Variants in HIP1 observed in about 807,000 individuals in gnomAD.
HIP1 encodes the protein huntingtin interacting protein 1.
A neutral mutation model predicts 147.6 loss-of-function variants in HIP1; 65 were observed. That is an observed-to-expected ratio of 0.44 (90% CI 0.36 to 0.54). The LOEUF (loss-of-function observed/expected upper bound fraction) is 0.54. HIP1 is among the 20% of genes least tolerant of loss of function. HIP1 has a pLI of 0.00. For missense variants in HIP1, 1,061 were observed against 1,299.6 expected (o/e 0.82, Z 2.82); for synonymous variants, 479 against 504.0 (o/e 0.95, Z 0.67).
chr7:75,677,602 CTA>C (rs1554516248), intron 1 of HIP1, among the ~76,000 whole-genome samples: 2 of 59,226 alleles, frequency 3.4e-5, no homozygotes, highest in Non-Finnish European at 6.1e-5. Flanking sequence ...AAGACTCCAT[CTA>C]AAAAAAAAAA....
At chr7:75,671,891 T>G (rs2705825) in intron 1 of HIP1, among the ~76,000 whole-genome samples, 1 of 151,982 alleles carries the variant, frequency 6.6e-6, no homozygotes, top group Non-Finnish European at 1.5e-5. Flanking sequence ...CGCGTCACCA[T>G]GCCTGGCTAA....
At chr7:75,571,544 C>A (rs1286142839) in intron 8 of HIP1, among the ~76,000 whole-genome samples, 1 of 152,166 alleles carries the variant, frequency 6.6e-6, no homozygotes, top group Non-Finnish European at 1.5e-5. Flanking sequence ...TTGTCAATAA[C>A]CGCAGTTACA....
intron 4 of HIP1, among the ~76,000 whole-genome samples, chr7:75,589,005 C>T (rs1298904472): frequency 2.0e-5 from 3 of 151,892 alleles, no homozygotes; most frequent in Non-Finnish European, 4.4e-5. Flanking sequence ...ACAAAATTAG[C>T]TGGGCGTGGT....
chr7:75,582,290 G>A (rs1935620720), intron 5 of HIP1, 139 bp from the exon 6 acceptor site: 4 of 656,724 alleles, frequency 6.1e-6, no homozygotes, highest in Non-Finnish European at 1.1e-5. Flanking sequence ...GGGAGTTCAA[G>A]TTTACAGTTC....
intron 1 of HIP1, among the ~76,000 whole-genome samples, chr7:75,724,987 G>A (rs370818216): frequency 6.6e-6 from 1 of 152,182 alleles, no homozygotes; most frequent in South Asian, 2.1e-4. Context: ...CAGGTTCTTA[G>A]ACACTGTCTC....
intron 7 of HIP1, among the ~76,000 whole-genome samples, chr7:75,580,375 C>T (rs1795992716): frequency 6.6e-6 from 1 of 152,016 alleles, no homozygotes; most frequent in Non-Finnish European, 1.5e-5. Flanking sequence ...GCCTGCGCTT[C>T]AGGAGAGAGG....
rs113911316 is a variant in HIP1 at position 75,586,741 on chromosome 7, G to C, written c.465+12C>G. The C allele has an allele frequency of 1.9e-6, 3 of 1,585,172 alleles. No individual in the cohort carries two copies. Among genetic ancestry groups the C allele is most frequent in the African/African-American group, 2.7e-5 (2 of 74,246 alleles). Reference sequence around the variant, plus strand: ...GGCGGCGGTGGCGGCAGAACTGTCCGCAGAGACTCACTTTGGTGTGGTACT... The same window carrying C: ...GGCGGCGGTGGCGGCAGAACTGTCCCCAGAGACTCACTTTGGTGTGGTACT... On this transcript the variant is annotated intron_variant, in intron 5 of 30. Coordinates refer to ENST00000336926, the MANE Select transcript of HIP1 (RefSeq NM_005338.7).
intron 1 of HIP1, among the ~76,000 whole-genome samples, chr7:75,653,532 T>A (rs1448113943): frequency 1.3e-5 from 2 of 151,988 alleles, no homozygotes; most frequent in African/African-American, 4.8e-5. Flanking sequence ...TGCATGCCTG[T>A]AGTACCAGCT....
In HIP1 at chr7:75,568,375, G is replaced by T; in HGVS notation, c.746-119C>A. 1.3e-6 allele frequency: 1 copy of T among 752,896 alleles called. No homozygotes were observed. The allele number at this position is 752,896 out of a possible 1,614,324, so 46.6% of individuals were successfully genotyped here. On this transcript the variant is annotated intron_variant, in intron 8 of 30. Transcript: ENST00000336926. The surrounding 1 kb of genome is among the most constrained non-coding windows in gnomAD (Gnocchi z 4.1). ...TGGGGCATGTGGCCAGCACTGCCAG[G>T]GGCCACGACTGGCCTAGAGCTGTCC... is the stretch of plus-strand genomic sequence containing the variant.
Position 75,536,250 on chromosome 7 carries a change from A to C in HIP1, c.*1922T>G, listed in dbSNP as rs1794080897. 1 of 206,012 alleles carries C rather than the reference A, an allele frequency of 4.9e-6. No homozygotes were observed. The highest frequency in any genetic ancestry group is 6.0e-5 in the Admixed American group (1 of 16,556). 12.8% of individuals were successfully genotyped at this position (206,012 alleles called of 1,614,324 possible). On this transcript the variant is annotated 3_prime_UTR_variant, in exon 31 of 31. Coordinates refer to ENST00000336926, the MANE Select transcript of HIP1 (RefSeq NM_005338.7). ...TCTAGTGCTGATACTTCCTTAGCCC[A>C]GTATGGAGGTCACACGTCTGAGTAT... is the stretch of plus-strand genomic sequence containing the variant.
chr7:75,726,584 G>A (rs1205695607), intron 1 of HIP1, among the ~76,000 whole-genome samples: 1 of 151,408 alleles, frequency 6.6e-6, no homozygotes, highest in Non-Finnish European at 1.5e-5. Flanking sequence ...ATGCCTGGCC[G>A]GGCATTTTTA....
chr7:75,687,660 C>T (rs1464259734), intron 1 of HIP1, among the ~76,000 whole-genome samples: 1 of 152,206 alleles, frequency 6.6e-6, no homozygotes, highest in Non-Finnish European at 1.5e-5. Context: ...CATTGCACTC[C>T]AGCCTGGGAG....
intron 1 of HIP1, among the ~76,000 whole-genome samples, chr7:75,699,227 TC>T (rs1800738856): frequency 6.6e-6 from 1 of 152,058 alleles, no homozygotes; most frequent in Non-Finnish European, 1.5e-5. Flanking sequence ...CTATAGGCGC[TC>T]GGCTTTCAAA....
chr7:75,554,696 A>G (rs1794923886), intron 19 of HIP1, among the ~76,000 whole-genome samples, 170 bp from the exon 20 acceptor site: 1 of 152,116 alleles, frequency 6.6e-6, no homozygotes. Context: ...TCCTTAGAGA[A>G]ACAGAATTGT....
chr7:75,629,837 C>G (rs587706415), intron 1 of HIP1, among the ~76,000 whole-genome samples: 21 of 152,220 alleles, frequency 1.4e-4, no homozygotes, highest in African/African-American at 4.8e-4. Flanking sequence ...CCACTGCGCC[C>G]GGCCTGCTCC....
chr7:75,665,477 G>T (rs573951755), intron 1 of HIP1, among the ~76,000 whole-genome samples: 1 of 152,184 alleles, frequency 6.6e-6, no homozygotes, highest in East Asian at 1.9e-4. Flanking sequence ...GGATGTGGAG[G>T]CCATCCTGTC....
intron 1 of HIP1, among the ~76,000 whole-genome samples, chr7:75,661,869 G>A (rs958929056): frequency 2.0e-5 from 3 of 152,072 alleles, no homozygotes; most frequent in Non-Finnish European, 4.4e-5. Context: ...GTGAAGGGCA[G>A]GGAGTCACAG....
chr7:75,725,308 G>C (rs1312256276), intron 1 of HIP1, among the ~76,000 whole-genome samples: 1 of 152,144 alleles, frequency 6.6e-6, no homozygotes, highest in Non-Finnish European at 1.5e-5. Context: ...TTACAGGCAT[G>C]CGGCACCATG....
chr7:75,635,913 C>T (rs896253978), intron 1 of HIP1, among the ~76,000 whole-genome samples: 2 of 150,692 alleles, frequency 1.3e-5, no homozygotes, highest in African/African-American at 2.5e-5. Context: ...ATCCCAGCTA[C>T]CCAGGAGGCT....
Sources: gnomAD v4.1 joint callset for allele counts (sites outside exome capture counted in the v4.1 genomes callset) on GRCh38, gnomAD v4.1.1 for gene constraint, Gnocchi (gnomAD v3.1) non-coding constraint, MANE v1.5 for transcripts, NCBI Gene and HGNC (gene_info 2026-07-23, HGNC 2026-07-21) for gene names.